Variants in DLGAP1 observed in about 807,000 individuals in gnomAD.
DLGAP1 encodes DLG associated protein 1.
A neutral mutation model predicts 90.8 loss-of-function variants in DLGAP1; 11 were observed. That is an observed-to-expected ratio of 0.12 (90% confidence interval 0.08 to 0.20). The LOEUF (loss-of-function observed/expected upper bound fraction) is 0.20. DLGAP1 is among the 10% of genes least tolerant of loss of function. The pLI is 1.00. For synonymous variants in DLGAP1, 558 were observed against 540.7 expected (o/e 1.03, Z -0.44); for missense variants, 1,050 against 1,333.8 (o/e 0.79, Z 3.31).
intron 3 of DLGAP1, among the ~76,000 whole-genome samples, chr18:3,928,437 A>G (rs2072441956): frequency 6.6e-6 from 1 of 152,210 alleles, no homozygotes; most frequent in African/African-American, 2.4e-5. Context: ...GATTGGAATT[A>G]AGTGGTTTAA....
At chr18:4,092,711 TG>T (rs2143772300) in intron 2 of DLGAP1, among the ~76,000 whole-genome samples, 1 of 152,246 alleles carries the variant, frequency 6.6e-6, no homozygotes, top group Admixed American at 6.5e-5. Flanking sequence ...ATATTTTTCC[TG>T]AAGTGGCCCA....
intron 3 of DLGAP1, among the ~76,000 whole-genome samples, chr18:3,924,263 A>G (rs2072332316): frequency 6.6e-6 from 1 of 152,126 alleles, no homozygotes; most frequent in African/African-American, 2.4e-5. Context: ...ACCCTCCTCA[A>G]TCAGTTGCCT....
At chr18:4,102,553 C>G (rs1266420635) in intron 2 of DLGAP1, among the ~76,000 whole-genome samples, 1 of 152,236 alleles carries the variant, frequency 6.6e-6, no homozygotes, top group African/African-American at 2.4e-5. Context: ...ATGGAGCAGA[C>G]AAAAGGCAGA....
intron 10 of DLGAP1, among the ~76,000 whole-genome samples, chr18:3,531,308 G>A (rs906543876): frequency 6.6e-6 from 1 of 151,910 alleles, no homozygotes; most frequent in Non-Finnish European, 1.5e-5. Flanking sequence ...ATGGTGGCAG[G>A]TGCCTGTAAT....
intron 1 of DLGAP1, among the ~76,000 whole-genome samples, chr18:4,434,166 C>T (rs373587142): frequency 1.4e-3 from 131 of 90,606 alleles, no homozygotes; most frequent in Non-Finnish European, 2.5e-3. Flanking sequence ...ATATTGCATC[C>T]CTATACAACA....
chr18:3,637,003 G>T (rs1487137139), intron 7 of DLGAP1, among the ~76,000 whole-genome samples: 2 of 151,902 alleles, frequency 1.3e-5, no homozygotes, highest in Non-Finnish European at 2.9e-5. Context: ...GATTACAGGC[G>T]TTAGCCACTG....
intron 2 of DLGAP1, among the ~76,000 whole-genome samples, chr18:4,097,814 G>A (rs1478590930): frequency 2.0e-5 from 3 of 152,232 alleles, no homozygotes; most frequent in Non-Finnish European, 4.4e-5. Context: ...ACCATTGAAT[G>A]TCAACAAATA....
At chr18:4,299,355 T>C (rs1404376947) in intron 1 of DLGAP1, among the ~76,000 whole-genome samples, 1 of 152,198 alleles carries the variant, frequency 6.6e-6, no homozygotes, top group Non-Finnish European at 1.5e-5. Flanking sequence ...TTAAGATTTC[T>C]TTGAAGAAAT....
intron 5 of DLGAP1, among the ~76,000 whole-genome samples, chr18:3,768,646 C>T (rs1018269372): frequency 1.3e-5 from 2 of 152,100 alleles, no homozygotes; most frequent in African/African-American, 4.8e-5. Flanking sequence ...CCAAAACCTC[C>T]CTAACTGATT....
intron 3 of DLGAP1, among the ~76,000 whole-genome samples, chr18:3,971,001 A>G (rs1180417196): frequency 6.6e-6 from 1 of 152,168 alleles, no homozygotes; most frequent in African/African-American, 2.4e-5. Context: ...GGCCTAATCA[A>G]GCATTGAGAC....
At chr18:4,331,901 C>T (rs1380884089) in intron 1 of DLGAP1, among the ~76,000 whole-genome samples, 3 of 151,844 alleles carry the variant, frequency 2.0e-5, no homozygotes, top group African/African-American at 7.3e-5. Context: ...TCAATGCATA[C>T]AAGATGTCAG....
At chr18:4,247,463 T>C (rs76038010) in intron 1 of DLGAP1, among the ~76,000 whole-genome samples, 4,934 of 152,204 alleles carry the variant, frequency 0.032, 270 homozygotes, top group African/African-American at 0.11. Flanking sequence ...GCCTCTTCCC[T>C]GTGAAAAGTG....
chr18:3,736,859 T>C (rs1002967771), intron 6 of DLGAP1, among the ~76,000 whole-genome samples: 1 of 150,098 alleles, frequency 6.7e-6, no homozygotes, highest in East Asian at 1.9e-4. Context: ...ATCAACAAAA[T>C]AGATAGACCG....
At chr18:4,053,117 C>T (rs766988131) in intron 2 of DLGAP1, among the ~76,000 whole-genome samples, 19 of 152,174 alleles carry the variant, frequency 1.2e-4, no homozygotes, top group African/African-American at 2.9e-4. Context: ...TTTACAGCAA[C>T]GCCCTACTGT....
rs1267795894 is a variant in DLGAP1 at position 4,455,230 on chromosome 18, C to G, written c.-491G>C. Reference sequence around the variant, plus strand: ...CGAGGCCGTGTCCTGGAGATTGCGGCGCCCGAAGCGCAGCGCTCGCCTCTG... The same window carrying G: ...CGAGGCCGTGTCCTGGAGATTGCGGGGCCCGAAGCGCAGCGCTCGCCTCTG... On this transcript the variant is annotated 5_prime_UTR_variant, in exon 1 of 13. Coordinates refer to ENST00000315677, the MANE Select transcript of DLGAP1 (RefSeq NM_004746.4). 1 of 151,622 alleles carries G rather than the reference C, an allele frequency of 6.6e-6. No individual in the cohort carries two copies. Among genetic ancestry groups the G allele is most frequent in the Non-Finnish European group, 1.5e-5 (1 of 67,934 alleles). 9.4% of individuals were successfully genotyped at this position (151,622 alleles called of 1,614,324 possible).
At chr18:4,062,847 C>G (rs1233220489) in intron 2 of DLGAP1, among the ~76,000 whole-genome samples, 1 of 151,980 alleles carries the variant, frequency 6.6e-6, no homozygotes, top group Non-Finnish European at 1.5e-5. Flanking sequence ...CTGTTTCTTA[C>G]TGTGAACCAA....
chr18:3,660,170 T>C lies in DLGAP1; in HGVS notation c.1591+68965A>G, dbSNP rs1409050467. ...CTTATTTATTTATTTGTTTACTTAA[T>C]TTTTATTTTTTAAAAGGATTGGGGG... On this transcript the variant is annotated intron_variant, in intron 7 of 12. Coordinates refer to ENST00000315677, the MANE Select transcript of DLGAP1 (RefSeq NM_004746.4). The surrounding 1 kb of genome is among the most constrained non-coding windows in gnomAD (Gnocchi z 4.2). 6.6e-6 allele frequency among the ~76,000 whole-genome samples: 1 copy of C among 152,222 alleles called. No individual in the cohort carries two copies. The highest frequency in any genetic ancestry group is 1.5e-5 in the Non-Finnish European group (1 of 68,050).
chr18:4,187,334 A>C (rs2077314388), intron 1 of DLGAP1, among the ~76,000 whole-genome samples: 1 of 152,080 alleles, frequency 6.6e-6, no homozygotes, highest in South Asian at 2.1e-4. Context: ...GCCAGTTTTC[A>C]AGAAGAATGT....
Position 3,735,548 on chromosome 18 carries a change from A to G in DLGAP1, c.1351-6173T>C, listed in dbSNP as rs1266800487. Among the ~76,000 whole-genome samples, 5 of 152,170 alleles carry G rather than the reference A, an allele frequency of 3.3e-5. No homozygotes were observed. In the East Asian group the frequency reaches 7.7e-4, roughly 23 times the overall value. ...CAAAATTCATATTATATGTCTAGGT[A>G]TATGGTACACACTCCATAAAAGGTG... On this transcript the variant is annotated intron_variant, in intron 6 of 12. Coordinates refer to ENST00000315677, the MANE Select transcript of DLGAP1 (RefSeq NM_004746.4).
Sources: gnomAD v4.1 joint callset for allele counts (sites outside exome capture counted in the v4.1 genomes callset) on GRCh38, gnomAD v4.1.1 for gene constraint, Gnocchi (gnomAD v3.1) non-coding constraint, MANE v1.5 for transcripts, NCBI Gene and HGNC (gene_info 2026-07-23, HGNC 2026-07-21) for gene names.